The following AIM2 variants were observed in gnomAD, a reference collection of about 807,000 sequenced individuals.
The protein encoded by AIM2 is absent in melanoma 2.
Under a neutral mutation model 27.7 loss-of-function variants are expected in AIM2, and 30 were observed. The ratio of observed to expected loss-of-function variants is 1.08; its 90% CI spans 0.81 to 1.47. AIM2 has a LOEUF of 1.47. Among genes scored for constraint, AIM2 ranks in the 40% most tolerant of loss-of-function variants. AIM2 has a pLI of 0.00. For synonymous variants in AIM2, 141 were observed against 145.3 expected (o/e 0.97, Z 0.21); for missense variants, 358 against 411.3 (o/e 0.87, Z 1.12).
At chr1:159,146,439 C>T (rs1648209269) in intron 1 of AIM2, among the ~76,000 whole-genome samples, 1 of 152,088 alleles carries the variant, frequency 6.6e-6, no homozygotes, top group South Asian at 2.1e-4. Flanking sequence ...TTGCCATCCC[C>T]ATCAATGTCT....
chr1:159,100,154 C>T (rs1281089645), intron 1 of AIM2, among the ~76,000 whole-genome samples: 2 of 152,218 alleles, frequency 1.3e-5, no homozygotes, highest in Non-Finnish European at 2.9e-5. Context: ...GGTATTCCTA[C>T]TTACCCTTCC....
intron 1 of AIM2, among the ~76,000 whole-genome samples, chr1:159,130,944 G>A (rs1647857184): frequency 6.6e-6 from 1 of 152,042 alleles, no homozygotes; most frequent in South Asian, 2.1e-4. Flanking sequence ...CTGGCTCTCG[G>A]CATTAGATGT....
chr1:159,126,128 C>T (rs1310787246), intron 1 of AIM2, among the ~76,000 whole-genome samples: 2 of 152,202 alleles, frequency 1.3e-5, no homozygotes, highest in African/African-American at 4.8e-5. Flanking sequence ...ACATTCTCAG[C>T]TTCTCAAAAG....
downstream of AIM2, among the ~76,000 whole-genome samples, chr1:159,058,280 C>T (rs548586890): frequency 1.4e-5 from 2 of 148,024 alleles, no homozygotes; most frequent in African/African-American, 2.5e-5. Context: ...ACCCGGGAGG[C>T]GGAGGTTGCA....
chr1:159,142,285 C>T (rs939654678), upstream of AIM2, among the ~76,000 whole-genome samples: 13 of 152,212 alleles, frequency 8.5e-5, no homozygotes, highest in African/African-American at 3.1e-4. Context: ...GCAAGAGGTA[C>T]AGGGAGTCTG....
At chr1:159,071,873 G>A (rs1656377119) in intron 2 of AIM2, among the ~76,000 whole-genome samples, 1 of 152,042 alleles carries the variant, frequency 6.6e-6, no homozygotes, top group African/African-American at 2.4e-5. Context: ...AGAGTCCTTG[G>A]ATAATCTACT....
At chr1:159,136,013 G>A (rs1570984635) in intron 1 of AIM2, among the ~76,000 whole-genome samples, 1 of 152,104 alleles carries the variant, frequency 6.6e-6, no homozygotes, top group African/African-American at 2.4e-5. Context: ...GTCCTAACAC[G>A]ACCCTTTCCA....
chr1:159,128,584 A>G (rs757537348), intron 1 of AIM2, among the ~76,000 whole-genome samples: 3 of 152,126 alleles, frequency 2.0e-5, no homozygotes, highest in Non-Finnish European at 4.4e-5. Flanking sequence ...CTTCCATGGA[A>G]AGCCACTTGC....
upstream of AIM2, among the ~76,000 whole-genome samples, chr1:159,144,364 G>T (rs1648166724): frequency 6.6e-6 from 1 of 152,050 alleles, no homozygotes. Flanking sequence ...TTTCAAATAA[G>T]AGATGTCTCT....
chr1:159,143,703 T>C (rs1160012126), upstream of AIM2, among the ~76,000 whole-genome samples: 1 of 152,162 alleles, frequency 6.6e-6, no homozygotes, highest in Non-Finnish European at 1.5e-5. Context: ...AAAGTATCAC[T>C]GCTTCTTATA....
intron 1 of AIM2, among the ~76,000 whole-genome samples, chr1:159,082,610 G>A (rs938247468): frequency 6.6e-6 from 1 of 152,048 alleles, no homozygotes; most frequent in Non-Finnish European, 1.5e-5. Context: ...TTTTTGCTGT[G>A]TCCTCACATG....
chr1:159,141,773 G>T (rs530637673), upstream of AIM2, among the ~76,000 whole-genome samples: 4 of 150,988 alleles, frequency 2.6e-5, no homozygotes, highest in African/African-American at 9.8e-5. Context: ...CTCTCTGAGC[G>T]GTGGGGGGGG....
chr1:159,096,077 G>A (rs1657175289), intron 1 of AIM2, among the ~76,000 whole-genome samples: 1 of 152,212 alleles, frequency 6.6e-6, no homozygotes. Flanking sequence ...GCTTTGGGAT[G>A]ACTCCACTAC....
At chr1:159,075,687 AAAC>A (rs369819786) in intron 1 of AIM2, among the ~76,000 whole-genome samples, 112 of 152,262 alleles carry the variant, frequency 7.4e-4, no homozygotes, top group South Asian at 4.1e-3. Flanking sequence ...ATCAATAAGA[AAAC>A]AACAGTCTAT....
chr1:159,074,027 G>A (rs1220314927), intron 1 of AIM2, among the ~76,000 whole-genome samples: 3 of 151,974 alleles, frequency 2.0e-5, no homozygotes, highest in East Asian at 1.9e-4. Context: ...CAACAGGAGC[G>A]AAACTTCATC....
At chr1:159,079,789 C>T (rs963797336), upstream of AIM2, among the ~76,000 whole-genome samples, 1 of 152,130 alleles carries the variant, frequency 6.6e-6, no homozygotes, top group African/African-American at 2.4e-5. Context: ...TCCACCCTCA[C>T]AGTATCATAC....
chr1:159,105,427 G>A (rs1438637247), intron 1 of AIM2, among the ~76,000 whole-genome samples: 1 of 152,200 alleles, frequency 6.6e-6, no homozygotes, highest in African/African-American at 2.4e-5. Flanking sequence ...GCATGTTTCT[G>A]CCCTGTTTGT....
Position 159,124,589 on chromosome 1 carries a change from G to A in AIM2, c.-16+15842C>T, listed in dbSNP as rs527559280. Among the ~76,000 whole-genome samples, 64 of 152,328 alleles carry A rather than the reference G, an allele frequency of 4.2e-4. 1 individual carries two copies. The highest frequency in any genetic ancestry group is 2.3e-3 in the South Asian group (11 of 4,830). ...ACCAGATGCAAACAGGAACTGAAAC[G>A]TAAGGCTCCTAATATCTTTCTTCAT... On this transcript the variant is annotated intron_variant, in intron 1 of 2. Transcript: ENST00000368129.
At chr1:159,130,427 T>C (rs925086147) in intron 1 of AIM2, among the ~76,000 whole-genome samples, 5 of 152,168 alleles carry the variant, frequency 3.3e-5, no homozygotes, top group Non-Finnish European at 7.3e-5. Flanking sequence ...AAATTCAACA[T>C]GTCTAAAGTG....
Sources: gnomAD v4.1 joint callset for allele counts (sites outside exome capture counted in the v4.1 genomes callset) on GRCh38, gnomAD v4.1.1 for gene constraint, MANE v1.5 for transcripts, NCBI Gene and HGNC (gene_info 2026-07-23, HGNC 2026-07-21) for gene names.